TMEM132B: variants seen among roughly 807,000 people sequenced by gnomAD.
TMEM132B encodes transmembrane protein 132B.
Under a neutral mutation model 90.8 loss-of-function variants are expected in TMEM132B, and 18 were observed. That is an observed-to-expected ratio of 0.20 (90% CI 0.14 to 0.29). The LOEUF (loss-of-function observed/expected upper bound fraction) is 0.29. Among genes scored for constraint, TMEM132B ranks in the 10% least tolerant of loss-of-function variants. The pLI, the probability that TMEM132B is intolerant of heterozygous loss-of-function variation, is 1.00. For synonymous variants in TMEM132B, 504 were observed against 523.3 expected, an observed-to-expected ratio of 0.96 and a Z score of 0.50; for missense variants, 1,096 against 1,326.8, an observed-to-expected ratio of 0.83 and a Z score of 2.70.
At chr12:125,564,264 G>A (rs1465564825) in intron 4 of TMEM132B, among the ~76,000 whole-genome samples, 1 of 152,202 alleles carries the variant, frequency 6.6e-6, no homozygotes, top group Non-Finnish European at 1.5e-5. Context: ...CAATGCTTAT[G>A]TATATTAAGG....
intron 2 of TMEM132B, among the ~76,000 whole-genome samples, chr12:125,412,477 G>A (rs1243180136): frequency 1.3e-5 from 2 of 152,336 alleles, no homozygotes; most frequent in Non-Finnish European, 1.5e-5. Flanking sequence ...AGTGCAGGAG[G>A]GAAAGGAGTG....
intron 1 of TMEM132B, among the ~76,000 whole-genome samples, chr12:125,225,964 A>G (rs927637531): frequency 6.6e-6 from 1 of 152,232 alleles, no homozygotes; most frequent in Non-Finnish European, 1.5e-5. Flanking sequence ...GTTTTCTAGT[A>G]TAATAATTCT....
chr12:125,432,499 ATATGTGTGTGTG>A lies in TMEM132B; in HGVS notation c.1106+16826_1106+16837del, dbSNP rs1366865073. Among the ~76,000 whole-genome samples, 12 of 46,076 alleles carry A rather than the reference ATATGTGTGTGTG, an allele frequency of 2.6e-4. 3 individuals are homozygous for A. Among genetic ancestry groups the A allele is most frequent in the African/African-American group, 1.2e-3 (6 of 5,118 alleles). The allele number at this position is 46,076 out of a possible 152,430, so 30.2% of individuals were successfully genotyped here. A position where few individuals can be genotyped will look rare whatever the true frequency, so the allele number is the denominator to read the frequency against. The stretch of plus-strand genomic sequence containing the variant: ...TGTGTATATATATGTATGTGTATAT[ATATGTGTGTGTG>A]TATATATATATATATATAGAGAGAG... On this transcript the variant is annotated intron_variant, in intron 3 of 8. Coordinates refer to ENST00000682704, the MANE Select transcript of TMEM132B (RefSeq NM_001366854.1).
At chr12:125,363,494 T>TATGAGA (rs897995758) in intron 2 of TMEM132B, among the ~76,000 whole-genome samples, 1 of 152,210 alleles carries the variant, frequency 6.6e-6, no homozygotes, top group African/African-American at 2.4e-5. Flanking sequence ...AATTTAACCC[T>TATGAGA]ATGAGATAGA....
At chr12:125,367,123 A>T (rs1878157908) in intron 2 of TMEM132B, among the ~76,000 whole-genome samples, 2 of 152,172 alleles carry the variant, frequency 1.3e-5, no homozygotes, top group South Asian at 4.1e-4. Flanking sequence ...CAACTTTAAA[A>T]TGCTCTTCTG....
intron 5 of TMEM132B, among the ~76,000 whole-genome samples, chr12:125,628,363 C>T (rs1482525337): frequency 1.3e-5 from 2 of 152,122 alleles, no homozygotes; most frequent in African/African-American, 4.8e-5. Flanking sequence ...GATAATATCT[C>T]ATTGTGGTTT....
At chr12:125,541,323 G>A (rs904828715) in intron 4 of TMEM132B, among the ~76,000 whole-genome samples, 4 of 152,124 alleles carry the variant, frequency 2.6e-5, no homozygotes, top group African/African-American at 9.7e-5. Context: ...CCTCTTATGC[G>A]GGAGCTAGGG....
intron 1 of TMEM132B, among the ~76,000 whole-genome samples, chr12:125,335,669 A>C (rs1876933495): frequency 6.6e-6 from 1 of 152,170 alleles, no homozygotes; most frequent in South Asian, 2.1e-4. Context: ...GATGGGGGAA[A>C]ATGCATCTTA....
intron 3 of TMEM132B, among the ~76,000 whole-genome samples, chr12:125,488,353 C>A (rs1009292941): frequency 2.0e-5 from 3 of 152,090 alleles, no homozygotes; most frequent in African/African-American, 4.8e-5. Context: ...AGATAACAAC[C>A]ATTTACTTAG....
rs144512022 is a variant in TMEM132B at position 125,505,865 on chromosome 12, G to A, written c.1107-13574G>A. 2.6e-3 allele frequency among the ~76,000 whole-genome samples: 395 copies of A among 152,274 alleles called. 18 individuals are homozygous for A. The East Asian group carries it at 0.058, about 22-fold the overall frequency. On this transcript the variant is annotated intron_variant, in intron 3 of 8. Transcript: ENST00000682704. Reference sequence around the variant, plus strand: ...AAAGGGCCTCAGGGCCCTGTGTGACGATAGGAAGTTGTCTATGTGGAATTG... The same window carrying A: ...AAAGGGCCTCAGGGCCCTGTGTGACAATAGGAAGTTGTCTATGTGGAATTG...
chr12:125,573,778 T>C (rs2345463), intron 4 of TMEM132B, among the ~76,000 whole-genome samples: 144,881 of 152,234 alleles, frequency 0.95, 68,986 homozygotes, highest in African/African-American at 0.98. Flanking sequence ...TAATTCCACC[T>C]GTGTTTCATT....
intron 3 of TMEM132B, among the ~76,000 whole-genome samples, chr12:125,432,409 G>GTA (rs1193466923): frequency 8.5e-5 from 1 of 11,800 alleles, no homozygotes. Context: ...GTATGTATGT[G>GTA]TATATATATA....
At chr12:125,259,008 C>T (rs1874501503) in intron 1 of TMEM132B, among the ~76,000 whole-genome samples, 1 of 152,044 alleles carries the variant, frequency 6.6e-6, no homozygotes. Context: ...AACACCATGG[C>T]CAGTTGGGAT....
intron 2 of TMEM132B, among the ~76,000 whole-genome samples, chr12:125,403,097 T>TCCAATG (rs1472150469): frequency 3.3e-5 from 5 of 152,170 alleles, no homozygotes; most frequent in African/African-American, 1.2e-4. Context: ...CAAAACTGAG[T>TCCAATG]CCAATGTCTG....
At position 125,662,345 on chromosome 12, in the gene TMEM132B, C is replaced by T. The variant is rs779296951; in HGVS notation, c.*7635C>T. ...AAGGCACTTCCAAACATTTTGAAAA[C>T]GAAGAAATAAAACATGTTGGATGAT... On this transcript the variant is annotated 3_prime_UTR_variant, in exon 9 of 9. Coordinates refer to ENST00000682704, the MANE Select transcript of TMEM132B (RefSeq NM_001366854.1). The T allele has an allele frequency of 5.3e-5, 8 of 151,974 alleles. No homozygotes were observed. Among genetic ancestry groups the T allele is most frequent in the South Asian group, 2.1e-4 (1 of 4,814 alleles). 9.4% of individuals were successfully genotyped at this position (151,974 alleles called of 1,614,324 possible). A position where few individuals can be genotyped will look rare whatever the true frequency, so the allele number is the denominator to read the frequency against.
At chr12:125,645,217 C>CAAAAAAAAAAA (rs57035989) in intron 6 of TMEM132B, among the ~76,000 whole-genome samples, 1 of 73,574 alleles carries the variant, frequency 1.4e-5, no homozygotes, top group Non-Finnish European at 2.6e-5. Context: ...GACTCCGTCT[C>CAAAAAAAAAAA]AAAAAAAAAA....
intron 3 of TMEM132B, among the ~76,000 whole-genome samples, chr12:125,473,497 A>G (rs2136504303): frequency 6.6e-6 from 1 of 152,316 alleles, no homozygotes; most frequent in Middle Eastern, 3.4e-3. Context: ...TGTGTGGCTT[A>G]TAATAGTGTC....
chr12:125,522,873 A>G (rs1332791025), intron 4 of TMEM132B, among the ~76,000 whole-genome samples: 2 of 152,182 alleles, frequency 1.3e-5, no homozygotes, highest in Non-Finnish European at 2.9e-5. Flanking sequence ...AAAAGCAAAA[A>G]TATTAAAATA....
intron 5 of TMEM132B, among the ~76,000 whole-genome samples, chr12:125,633,032 G>A (rs1440701862): frequency 6.6e-6 from 1 of 151,878 alleles, no homozygotes. Context: ...TCTCAGATTT[G>A]TCCTTTTGAG....
Sources: gnomAD v4.1 joint callset for allele counts (sites outside exome capture counted in the v4.1 genomes callset) on GRCh38, gnomAD v4.1.1 for gene constraint, MANE v1.5 for transcripts, NCBI Gene and HGNC (gene_info 2026-07-23, HGNC 2026-07-21) for gene names.